KCTD1: variants seen among roughly 807,000 people sequenced by gnomAD.
The protein encoded by KCTD1 is BTB/POZ domain-containing protein KCTD1.
A neutral mutation model predicts 66.0 loss-of-function variants in KCTD1; 24 were observed. The ratio of observed to expected loss-of-function variants is 0.36; its 90% CI spans 0.26 to 0.51. The LOEUF is 0.51. Ranked by LOEUF, KCTD1 falls within the 20% of genes least tolerant of loss-of-function variation. The pLI is 0.95. For synonymous variants in KCTD1, 511 were observed against 517.2 expected (o/e 0.99, Z 0.16); for missense variants, 943 against 1,205.2 (o/e 0.78, Z 3.22).
chr18:26,604,564 A>G lies in KCTD1; in HGVS notation c.-16+24583T>C, dbSNP rs565628277. Among the ~76,000 whole-genome samples, 73 of 152,356 alleles carry G rather than the reference A, an allele frequency of 4.8e-4. No individual in the cohort carries two copies. The South Asian group carries it at 7.2e-3, about 15-fold the overall frequency. On this transcript the variant is annotated intron_variant, in intron 1 of 4. Transcript: ENST00000317932. ...ACACCATGGAATACTATGCAGCCAT[A>G]AAAAATGAGATCATGTCTTGCAGGA...
rs186186435 is a variant in KCTD1, at chr18:26,598,359, A to G, written c.-16+30788T>C. On this transcript the variant is annotated intron_variant, in intron 1 of 4. Coordinates refer to the KCTD1 transcript ENST00000317932. ...CTGTTATCCAGTCATTAGCTGATGG[A>G]CACTGAGATTGTTTTCAGATTGTTT... Among the ~76,000 whole-genome samples the G allele has an allele frequency of 5.3e-3, 813 of 152,260 alleles. 14 individuals are homozygous for G. Among genetic ancestry groups the G allele is most frequent in the South Asian group, 0.01 (49 of 4,826 alleles).
intron 4 of KCTD1, chr18:26,456,683 C>G (rs1980104673): frequency 6.6e-6 from 1 of 152,034 alleles, no homozygotes. Flanking sequence ...ATTTTGAAAT[C>G]AAAAACCTAA....
rs1980040043 is a variant in KCTD1 at position 26,455,727 on chromosome 18, T to TAAGA, written c.*12_*15dup. The TAAGA allele has an allele frequency of 1.9e-6, 3 of 1,613,906 alleles. No homozygotes were observed. The highest frequency in any genetic ancestry group is 2.2e-5 in the South Asian group (2 of 91,056). On this transcript the variant is annotated 3_prime_UTR_variant, in exon 5 of 5. Coordinates refer to ENST00000580059, the MANE Select transcript of KCTD1 (RefSeq NM_001142730.3). ...GGTTGTGTGTGTTTTCCTTTTTGCA[T>TAAGA]AAGAAATATGTCCATTTAGTCCAGA...
At chr18:26,562,705 A>T (rs1047164781) in intron 1 of KCTD1, among the ~76,000 whole-genome samples, 1 of 152,154 alleles carries the variant, frequency 6.6e-6, no homozygotes, top group Non-Finnish European at 1.5e-5. Flanking sequence ...ATTTTCTCAC[A>T]GTTCTGGAGG....
intron 1 of KCTD1, among the ~76,000 whole-genome samples, chr18:26,595,084 G>A (rs1242488819): frequency 4.6e-5 from 7 of 151,644 alleles, no homozygotes; most frequent in Non-Finnish European, 8.8e-5. Flanking sequence ...TATCTCTGGA[G>A]AACTCTGACT....
intron 1 of KCTD1, among the ~76,000 whole-genome samples, chr18:26,637,735 G>A (rs1987753363): frequency 6.6e-6 from 1 of 152,360 alleles, no homozygotes. Flanking sequence ...TCTAATGGGA[G>A]GAGCCTGGGC....
chr18:26,589,093 G>T (rs893881092), intron 1 of KCTD1, among the ~76,000 whole-genome samples: 3 of 152,156 alleles, frequency 2.0e-5, no homozygotes, highest in Non-Finnish European at 4.4e-5. Context: ...GATATGAAGG[G>T]AGATACCTGC....
chr18:26,646,272 G>C (rs1286283143), intron 1 of KCTD1, among the ~76,000 whole-genome samples: 1 of 152,178 alleles, frequency 6.6e-6, no homozygotes, highest in Non-Finnish European at 1.5e-5. Context: ...CAAGTTGTTA[G>C]GGGGAGCAGG....
intron 1 of KCTD1, among the ~76,000 whole-genome samples, chr18:26,522,134 G>C (rs1368963895): frequency 6.6e-6 from 1 of 152,134 alleles, no homozygotes; most frequent in East Asian, 1.9e-4. Context: ...CTCATATGTT[G>C]AAGTTCTAAC....
chr18:26,549,148 G>A, upstream of KCTD1: 1 of 985,018 alleles, frequency 1.0e-6, no homozygotes, highest in Non-Finnish European at 1.2e-6. Flanking sequence ...GAGGCACGGC[G>A]AGGCCCCGCA....
intron 1 of KCTD1, among the ~76,000 whole-genome samples, chr18:26,514,549 C>CAAAAAAAAA (rs200444964): frequency 4.1e-5 from 5 of 121,824 alleles, no homozygotes; most frequent in Admixed American, 8.9e-5. Context: ...GACCTTGTCT[C>CAAAAAAAAA]AAAAAAAAAA....
At chr18:26,583,523 T>C (rs1003725106) in intron 1 of KCTD1, among the ~76,000 whole-genome samples, 5 of 151,860 alleles carry the variant, frequency 3.3e-5, no homozygotes, top group Admixed American at 6.6e-5. Context: ...ATCTAACAAA[T>C]GTAATCTGGC....
intron 1 of KCTD1, among the ~76,000 whole-genome samples, chr18:26,616,141 CT>C (rs11354165): frequency 0.37 from 51,005 of 138,008 alleles, 9,568 homozygotes; most frequent in East Asian, 0.53. Context: ...TTAAGTGTTT[CT>C]TTTTTTTTTT....
chr18:26,643,292 G>A (rs1987865797), upstream of KCTD1, among the ~76,000 whole-genome samples: 1 of 152,126 alleles, frequency 6.6e-6, no homozygotes, highest in African/African-American at 2.4e-5. Context: ...TTACGAACTG[G>A]TAATTACTCT....
intron 2 of KCTD1, among the ~76,000 whole-genome samples, chr18:26,483,746 GATGT>G (rs1191518655): frequency 6.6e-6 from 1 of 152,018 alleles, no homozygotes; most frequent in East Asian, 1.9e-4. Context: ...GCACAACGGA[GATGT>G]GTGTGTGTGT....
intron 1 of KCTD1, among the ~76,000 whole-genome samples, chr18:26,598,244 G>A (rs771686768): frequency 3.3e-5 from 5 of 152,114 alleles, no homozygotes; most frequent in Admixed American, 6.5e-5. Context: ...AAGTTAGCTC[G>A]TTTACAAGGT....
At chr18:26,643,772 C>T (rs371910019), upstream of KCTD1, among the ~76,000 whole-genome samples, 16 of 152,150 alleles carry the variant, frequency 1.1e-4, no homozygotes, top group Non-Finnish European at 1.9e-4. Context: ...ACCATCCTGG[C>T]TAACACGATG....
chr18:26,585,762 AC>A (rs961684851), intron 1 of KCTD1, among the ~76,000 whole-genome samples: 21 of 152,230 alleles, frequency 1.4e-4, no homozygotes, highest in African/African-American at 3.9e-4. Flanking sequence ...AATAATAAGC[AC>A]CCTTTGGACA....
At chr18:26,497,965 T>A (rs1982564525) in intron 2 of KCTD1, among the ~76,000 whole-genome samples, 1 of 152,186 alleles carries the variant, frequency 6.6e-6, no homozygotes, top group African/African-American at 2.4e-5. Flanking sequence ...ATGGAAAATA[T>A]TTGGAATTTG....
Sources: allele counts gnomAD v4.1 joint callset (sites outside exome capture counted in the v4.1 genomes callset), GRCh38; gene constraint gnomAD v4.1.1; transcripts MANE v1.5; gene names NCBI Gene and HGNC (gene_info 2026-07-23, HGNC 2026-07-21).